The following LPA variants were observed in gnomAD, a reference collection of about 807,000 sequenced individuals.
The protein encoded by LPA is lipoprotein(a), also known as apolipoprotein(a).
In LPA, 199 loss-of-function variants were observed where a neutral mutation model predicts 197.9. That is an observed-to-expected ratio of 1.01 (90% confidence interval 0.90 to 1.13). The LOEUF (loss-of-function observed/expected upper bound fraction) is 1.13, where lower values mean the gene tolerates loss of function less well. Among genes scored for constraint, LPA ranks in the 50% most tolerant of loss-of-function variants. The pLI is 0.00. For synonymous variants in LPA, 715 were observed against 639.5 expected, an observed-to-expected ratio of 1.12 and a Z score of -1.78; for missense variants, 1,853 against 1,785.8, an observed-to-expected ratio of 1.04 and a Z score of -0.68.
chr6:160,532,489 G>A, intron 38 of LPA, 42 bp downstream of exon 38: 1 of 1,465,378 alleles, frequency 6.8e-7, no homozygotes, highest in Non-Finnish European at 9.6e-7. Context: ...CTGAGACTGA[G>A]ACGGGAGAGC....
intron 1 of LPA, among the ~76,000 whole-genome samples, chr6:160,658,947 A>G (rs1016191394): frequency 2.0e-5 from 3 of 152,074 alleles, no homozygotes; most frequent in Non-Finnish European, 4.4e-5. Context: ...GAGTATACCT[A>G]TATCTATCTA....
intron 1 of LPA, among the ~76,000 whole-genome samples, chr6:160,657,929 C>T (rs995685801): frequency 6.6e-6 from 1 of 152,040 alleles, no homozygotes; most frequent in African/African-American, 2.4e-5. Context: ...ACACTCTGAA[C>T]CTCACCTCTG....
intron 17 of LPA, 148 bp from the exon 18 acceptor site, chr6:160,605,353 A>C (rs1353690658): frequency 1.8e-5 from 18 of 1,013,834 alleles, no homozygotes; most frequent in Non-Finnish European, 2.6e-5. Context: ...CTTTATTTGT[A>C]GGCAGATGGA....
intron 17 of LPA, among the ~76,000 whole-genome samples, 159 bp downstream of exon 17, chr6:160,606,318 G>T (rs537292757): frequency 9.2e-5 from 14 of 152,240 alleles, no homozygotes; most frequent in South Asian, 2.1e-4. Context: ...CAATCCGCTG[G>T]CTCCCCCAGA....
rs1406153178 is a variant in LPA, at chr6:160,565,872, C to T, written c.4632-8301G>A. On this transcript the variant is annotated intron_variant, in intron 28 of 38. Transcript: ENST00000316300. ...GCTGAAAACCATGGCACGAGAACTACGTGACACATGAACAAGTTTCAGTAG... is the reference window on the plus strand; with the variant it reads ...GCTGAAAACCATGGCACGAGAACTATGTGACACATGAACAAGTTTCAGTAG... 3.9e-5 allele frequency among the ~76,000 whole-genome samples: 6 copies of T among 152,062 alleles called. No individual in the cohort carries two copies. The South Asian group carries it at 8.3e-4, about 21-fold the overall frequency.
intron 1 of LPA, among the ~76,000 whole-genome samples, chr6:160,663,224 G>A (rs983801500): frequency 6.6e-6 from 1 of 152,138 alleles, no homozygotes; most frequent in African/African-American, 2.4e-5. Context: ...TTCTGCAAGT[G>A]GCAAACAATT....
chr6:160,584,240 C>CTTCTTCTTCTTCT (rs1562331296), intron 26 of LPA, among the ~76,000 whole-genome samples: 25 of 60,994 alleles, frequency 4.1e-4, no homozygotes, highest in African/African-American at 7.5e-4. Context: ...CTTCTTCTTC[C>CTTCTTCTTCTTCT]TCCTCCTCCT....
chr6:160,634,529 C>T (rs1290176714), intron 7 of LPA, among the ~76,000 whole-genome samples: 2 of 140,982 alleles, frequency 1.4e-5, no homozygotes, highest in Admixed American at 1.4e-4. Flanking sequence ...TAACCTTTCT[C>T]TCTAGACCCC....
intron 27 of LPA, among the ~76,000 whole-genome samples, chr6:160,577,813 C>T (rs1355216317): frequency 6.6e-6 from 1 of 152,206 alleles, no homozygotes; most frequent in Non-Finnish European, 1.5e-5. Flanking sequence ...TAGAGACAAA[C>T]AACTTATTCC....
intron 28 of LPA, among the ~76,000 whole-genome samples, chr6:160,558,580 A>T (rs532706907): frequency 6.6e-6 from 1 of 152,194 alleles, no homozygotes; most frequent in East Asian, 1.9e-4. Context: ...TCCTGCTCTC[A>T]GTCCATCCTC....
At chr6:160,537,641 A>G (rs1386691194) in intron 37 of LPA, among the ~76,000 whole-genome samples, 1 of 152,208 alleles carries the variant, frequency 6.6e-6, no homozygotes, top group Non-Finnish European at 1.5e-5. Flanking sequence ...TGAAAACAAA[A>G]AAGAGAGAGA....
intron 15 of LPA, 76 bp from the exon 16 acceptor site, chr6:160,611,797 C>G: frequency 8.5e-7 from 1 of 1,175,062 alleles, no homozygotes; most frequent in Non-Finnish European, 1.2e-6. Flanking sequence ...ATGACACAAC[C>G]AGAAAGGAGT....
intron 2 of LPA, among the ~76,000 whole-genome samples, chr6:160,647,017 A>G (rs944636301): frequency 6.6e-6 from 1 of 152,162 alleles, no homozygotes; most frequent in South Asian, 2.1e-4. Flanking sequence ...ATGTCGGTCA[A>G]GTAGGTTTGT....
intron 1 of LPA, among the ~76,000 whole-genome samples, chr6:160,655,133 G>A (rs534894643): frequency 2.4e-4 from 37 of 152,338 alleles, no homozygotes; most frequent in African/African-American, 8.7e-4. Context: ...GGGTCAGAAA[G>A]CAACCAGTTC....
At chr6:160,610,661 G>A (rs771885998) in intron 16 of LPA, among the ~76,000 whole-genome samples, 1 of 152,132 alleles carries the variant, frequency 6.6e-6, no homozygotes, top group African/African-American at 2.4e-5. Flanking sequence ...CCACAAACCA[G>A]TTCTTATTTG....
At chr6:160,654,464 C>G (rs759502352) in intron 1 of LPA, among the ~76,000 whole-genome samples, 2 of 151,994 alleles carry the variant, frequency 1.3e-5, no homozygotes, top group Non-Finnish European at 2.9e-5. Context: ...GAGATTAATA[C>G]TTTGCATCTT....
At chr6:160,565,242 C>T (rs1424154786) in intron 28 of LPA, among the ~76,000 whole-genome samples, 1 of 152,146 alleles carries the variant, frequency 6.6e-6, no homozygotes, top group Admixed American at 6.5e-5. Flanking sequence ...GGTCCGTGAC[C>T]CCCGAGTAGC....
At chr6:160,610,199 T>A (rs566198024) in intron 16 of LPA, among the ~76,000 whole-genome samples, 1 of 152,254 alleles carries the variant, frequency 6.6e-6, no homozygotes, top group East Asian at 1.9e-4. Flanking sequence ...AATTTAGGAC[T>A]CACTCTGGGG....
rs1779023718 is a variant in LPA at position 160,591,217 on chromosome 6, C to G, written c.3630-116G>C. ...AAAAAGTGACTTTGAAATATTCTCA[C>G]TAAAGGTCCTGTAACAATCACAAAT... On this transcript the variant is annotated intron_variant, in intron 22 of 38. Transcript: ENST00000316300. 2.4e-6 allele frequency: 3 copies of G among 1,276,246 alleles called. No homozygotes were observed. In the South Asian group the frequency reaches 3.8e-5, roughly 16 times the overall value. The allele number at this position is 1,276,246 out of a possible 1,614,324, so 79.1% of individuals were successfully genotyped here.
Sources: gnomAD v4.1 joint callset for allele counts (sites outside exome capture counted in the v4.1 genomes callset) on GRCh38, gnomAD v4.1.1 for gene constraint, MANE v1.5 for transcripts, NCBI Gene and HGNC (gene_info 2026-07-23, HGNC 2026-07-21) for gene names.